The following YEATS2 variants were observed in gnomAD, a reference collection of about 807,000 sequenced individuals.
YEATS2 encodes the protein YEATS domain-containing protein 2.
Under a neutral mutation model 163.2 loss-of-function variants are expected in YEATS2, and 77 were observed. The ratio of observed to expected loss-of-function variants is 0.47; its 90% CI spans 0.39 to 0.57. The LOEUF (loss-of-function observed/expected upper bound fraction) is 0.57, where lower values mean the gene tolerates loss of function less well. Ranked by LOEUF, YEATS2 falls within the 20% of genes least tolerant of loss-of-function variation. The probability of loss-of-function intolerance (pLI) is 0.00; values close to 1 mark genes in which losing one functional copy is unlikely to be tolerated. For synonymous variants in YEATS2, 631 were observed against 645.1 expected, an observed-to-expected ratio of 0.98 and a Z score of 0.33; for missense variants, 1,549 against 1,729.8, an observed-to-expected ratio of 0.90 and a Z score of 1.85.
At chr3:183,736,669 G>C in intron 7 of YEATS2, 49 bp from the exon 8 acceptor site, 2 of 1,452,204 alleles carry the variant, frequency 1.4e-6, no homozygotes, top group Non-Finnish European at 1.9e-6. Context: ...TCCTGTGTAG[G>C]ATGAGAGAGT....
At chr3:183,781,926 C>T (rs1723602651) in intron 19 of YEATS2, among the ~76,000 whole-genome samples, 1 of 151,072 alleles carries the variant, frequency 6.6e-6, no homozygotes, top group Admixed American at 6.6e-5. Flanking sequence ...TTTTTTTTTT[C>T]TATCACCATT....
chr3:183,809,652 TGAGGCCCCTGG>T (rs1726594884), intron 30 of YEATS2: 1 of 152,998 alleles, frequency 6.5e-6, no homozygotes, highest in Non-Finnish European at 1.5e-5. Flanking sequence ...TCATTGGCTC[TGAGGCCCCTGG>T]GCTCGCCACT....
intron 17 of YEATS2, 43 bp downstream of exon 17, chr3:183,773,837 CTA>C: frequency 3.2e-6 from 5 of 1,562,296 alleles, no homozygotes; most frequent in Non-Finnish European, 2.6e-6. Flanking sequence ...TCTTGGTTCT[CTA>C]TGTGTGTTCA....
intron 25 of YEATS2, chr3:183,802,835 C>G (rs925684958): frequency 1.3e-5 from 2 of 155,822 alleles, no homozygotes; most frequent in African/African-American, 4.8e-5. Flanking sequence ...GAGGCTGAGG[C>G]AGGAGAATCG....
chr3:183,765,959 A>AG lies in YEATS2; in HGVS notation c.1947+3680_1947+3681insG, dbSNP rs199698603. 9.3e-3 allele frequency among the ~76,000 whole-genome samples: 1,419 copies of AG among 152,038 alleles called. 64 individuals carry two copies. The East Asian group carries it at 0.14, about 15-fold the overall frequency. ...AAGACTCTGTCTAAAAAAAAAAAAA[A>AG]AGATATGCCAGGAAACAGGAGGGTG... On this transcript the variant is annotated intron_variant, in intron 15 of 30. Transcript: ENST00000305135.
Position 183,754,267 on chromosome 3 carries a change from C to T in YEATS2, c.1292C>T (p.Ala431Val). The change falls in exon 11 of 31, where the codon GCA (alanine) becomes GTA (valine). Residue 431 changes from alanine to valine, a missense_variant. Coordinates refer to ENST00000305135, the MANE Select transcript of YEATS2 (RefSeq NM_018023.5). ...SHGNSAFQPI[A>V]SSCKIVPQSQ... ...GGCAATTCAGCTTTCCAGCCAATAG[C>T]ATCAAGCTGCAAAATTGTTCCACAA... 6.2e-7 allele frequency: 1 copy of T among 1,614,150 alleles called. No individual in the cohort carries two copies. Among genetic ancestry groups the T allele is most frequent in the South Asian group, 1.1e-5 (1 of 91,088 alleles).
At chr3:183,789,782 A>G (rs1318142190) in intron 20 of YEATS2, among the ~76,000 whole-genome samples, 2 of 149,872 alleles carry the variant, frequency 1.3e-5, no homozygotes, top group South Asian at 4.2e-4. Context: ...CTCGTGATCC[A>G]CCCGCTTTGG....
chr3:183,800,688 T>C, intron 24 of YEATS2, 120 bp downstream of exon 24: 1 of 761,404 alleles, frequency 1.3e-6, no homozygotes, highest in South Asian at 1.7e-5. Context: ...AGGAACTGTC[T>C]GTCCCCGTGC....
chr3:183,728,951 T>A, intron 7 of YEATS2, 100 bp downstream of exon 7: 1 of 1,305,050 alleles, frequency 7.7e-7, no homozygotes, highest in Non-Finnish European at 1.1e-6. Context: ...GGAAATGCAG[T>A]AGTAATTGAG....
chr3:183,770,276 C>T (rs1355561788), intron 15 of YEATS2, among the ~76,000 whole-genome samples: 1 of 151,520 alleles, frequency 6.6e-6, no homozygotes, highest in Non-Finnish European at 1.5e-5. Context: ...CCCAGCTACT[C>T]GGGAGACTGA....
At chr3:183,779,274 A>G (rs901411608) in intron 19 of YEATS2, among the ~76,000 whole-genome samples, 3 of 152,176 alleles carry the variant, frequency 2.0e-5, no homozygotes, top group African/African-American at 7.2e-5. Flanking sequence ...CTAGAGGTTT[A>G]TCAGTTGTAT....
In YEATS2 at chr3:183,711,288, G is replaced by A. The variant is rs561559720; in HGVS notation, c.-19-3856G>A. Among the ~76,000 whole-genome samples, 219 of 151,886 alleles carry A rather than the reference G, an allele frequency of 1.4e-3. 2 individuals are homozygous for A. Among genetic ancestry groups the A allele is most frequent in the African/African-American group, 4.6e-3 (192 of 41,440 alleles). ...GATTGAGACCATCCTGGCTAACACA[G>A]TAAAACCCCGTCTCCACAAAAATAC... On this transcript the variant is annotated intron_variant, in intron 1 of 30. Transcript: ENST00000305135.
rs1026774846 is a variant in YEATS2 at position 183,786,356 on chromosome 3, T to TAA, written c.2913+56_2913+57insAA. 84 of 1,534,992 alleles carry TAA rather than the reference T, an allele frequency of 5.5e-5. No individual in the cohort carries two copies. In the Middle Eastern group the frequency reaches 1.4e-3, roughly 25 times the overall value. The stretch of plus-strand genomic sequence containing the variant: ...TAATGAGACATGAAAGTGGTGTAGA[T>TAA]ACAAGGAAGGTGTCCAGCAGGCACA... On this transcript the variant is annotated intron_variant, in intron 20 of 30. Coordinates refer to ENST00000305135, the MANE Select transcript of YEATS2 (RefSeq NM_018023.5).
intron 1 of YEATS2, among the ~76,000 whole-genome samples, chr3:183,703,826 A>G (rs887129119): frequency 1.1e-4 from 16 of 152,136 alleles, no homozygotes; most frequent in Admixed American, 3.3e-4. Context: ...CAGGAAATGG[A>G]TCATATGTAT....
chr3:183,724,205 C>A (rs1346964268), intron 5 of YEATS2, among the ~76,000 whole-genome samples: 1 of 152,156 alleles, frequency 6.6e-6, no homozygotes, highest in African/African-American at 2.4e-5. Flanking sequence ...CTATTAAAAA[C>A]ACACCGGGAG....
At chr3:183,722,278 CTTTTTTTTTTTTTT>C (rs200048624) in intron 5 of YEATS2, 142 bp downstream of exon 5, 170 of 310,160 alleles carry the variant, frequency 5.5e-4, no homozygotes, top group East Asian at 1.6e-3. Context: ...GAAACCAAAT[CTTTTTTTTTTTTTT>C]TTTTTTTTTT....
chr3:183,736,669 G>A (rs772398897), intron 7 of YEATS2, 49 bp from the exon 8 acceptor site: 1 of 1,452,204 alleles, frequency 6.9e-7, no homozygotes, highest in Non-Finnish European at 9.5e-7. Context: ...TCCTGTGTAG[G>A]ATGAGAGAGT....
In YEATS2 at chr3:183,717,981, ATCT is replaced by A. The variant is rs953212509; in HGVS notation, c.198+237_198+239del. On this transcript the variant is annotated intron_variant, in intron 3 of 30. Transcript: ENST00000305135. The stretch of plus-strand genomic sequence containing the variant: ...ACCTGGAATTCCATTCAAAAAGATA[ATCT>A]TCTGATAGCACAGCAGGGTGACTAC... 2.6e-5 allele frequency among the ~76,000 whole-genome samples: 4 copies of A among 152,228 alleles called. No individual in the cohort carries two copies. The East Asian group carries it at 5.8e-4, about 22-fold the overall frequency.
Position 183,736,842 on chromosome 3 carries a change from AAC to A in YEATS2, c.924+15_924+16del, listed in dbSNP as rs1718393132. 1 of 1,602,216 alleles carries A rather than the reference AAC, an allele frequency of 6.2e-7. No homozygotes were observed. ...ACATAATCTGAAGGTATTGTAACAA[AAC>A]ATTGCTCCCTAGTTTTGAAGTCTCT... On this transcript the variant is annotated intron_variant, in intron 8 of 30. Coordinates refer to ENST00000305135, the MANE Select transcript of YEATS2 (RefSeq NM_018023.5).
Sources: gnomAD v4.1 joint callset for allele counts (sites outside exome capture counted in the v4.1 genomes callset) on GRCh38, gnomAD v4.1.1 for gene constraint, MANE v1.5 for transcripts, NCBI Gene and HGNC (gene_info 2026-07-23, HGNC 2026-07-21) for gene names.